MINK1: variants seen among roughly 807,000 people sequenced by gnomAD.
The protein encoded by MINK1 is misshapen like kinase 1.
Under a neutral mutation model 178.4 loss-of-function variants are expected in MINK1, and 46 were observed. That is an observed-to-expected ratio of 0.26 (90% CI 0.20 to 0.33). The LOEUF (loss-of-function observed/expected upper bound fraction) is 0.33, where lower values mean the gene tolerates loss of function less well. MINK1 is among the 10% of genes least tolerant of loss of function. MINK1 has a pLI of 1.00. For missense variants in MINK1, 1,366 were observed against 1,814.9 expected, an observed-to-expected ratio of 0.75 and a Z score of 4.49; for synonymous variants, 797 against 709.7, an observed-to-expected ratio of 1.12 and a Z score of -1.96.
intron 1 of MINK1, among the ~76,000 whole-genome samples, chr17:4,868,116 A>G (rs1915316929): frequency 6.6e-6 from 1 of 151,904 alleles, no homozygotes; most frequent in South Asian, 2.1e-4. Flanking sequence ...AGCTGGGACT[A>G]CAGGCATACA....
At chr17:4,881,377 C>A in intron 4 of MINK1, 120 bp downstream of exon 4, 2 of 1,162,434 alleles carry the variant, frequency 1.7e-6, no homozygotes, top group South Asian at 3.0e-5. Context: ...TCCGGTCTAC[C>A]CAGCCTCCCC....
At chr17:4,839,019 C>T (rs1353345534) in intron 1 of MINK1, among the ~76,000 whole-genome samples, 2 of 151,920 alleles carry the variant, frequency 1.3e-5, no homozygotes, top group East Asian at 3.9e-4. Flanking sequence ...TCTTGGCTCA[C>T]TGCAAGCTCC....
At chr17:4,891,896 ATCC>A (rs1415583551) in intron 16 of MINK1, among the ~76,000 whole-genome samples, 180 bp downstream of exon 16, 5 of 152,084 alleles carry the variant, frequency 3.3e-5, no homozygotes, top group African/African-American at 1.2e-4. Context: ...GGTGGCATCG[ATCC>A]CTGTGGGGAG....
chr17:4,895,639 G>A lies in MINK1; in HGVS notation c.3230-59G>A. On this transcript the variant is annotated intron_variant, in intron 26 of 31. Transcript: ENST00000355280. This position sits in a 1 kb window ranked among gnomAD's most constrained non-coding sequence, Gnocchi z 4.3. ...TATGCTGACAGAGGAGGCCAGGGCG[G>A]TGGCATTCGGGCCTCAGATGAGAAT... The A allele has an allele frequency of 6.3e-7, 1 of 1,593,532 alleles. No homozygotes were observed. Among genetic ancestry groups the A allele is most frequent in the Non-Finnish European group, 8.6e-7 (1 of 1,167,762 alleles).
rs1967901814 is a variant in MINK1, at chr17:4,883,449, CCG to C, written c.307-912_307-911del. Reference sequence around the variant, plus strand: ...TCGAATTCCTGACCTCATGATCCGCCCGCCTTGGCCTCCCAAAGTGCTAGGAT... The same window carrying C: ...TCGAATTCCTGACCTCATGATCCGCCCCTTGGCCTCCCAAAGTGCTAGGAT... On this transcript the variant is annotated intron_variant, in intron 4 of 31. Transcript: ENST00000355280. 2 of 151,640 alleles carry C rather than the reference CCG, an allele frequency of 1.3e-5. 1 individual carries two copies. The highest frequency in any genetic ancestry group is 4.2e-4 in the South Asian group (2 of 4,812). The allele number at this position is 151,640 out of a possible 1,614,324, so 9.4% of individuals were successfully genotyped here. A position where few individuals can be genotyped will look rare whatever the true frequency, so the allele number is the denominator to read the frequency against.
At position 4,886,237 on chromosome 17, in the gene MINK1, C is replaced by T. The variant is rs777105397; in HGVS notation, c.773+39C>T. The T allele has an allele frequency of 5.0e-6, 8 of 1,603,968 alleles. No homozygotes were observed. Among genetic ancestry groups the T allele is most frequent in the South Asian group, 2.2e-5 (2 of 90,870 alleles). On this transcript the variant is annotated intron_variant, in intron 9 of 31. Coordinates refer to ENST00000355280, the MANE Select transcript of MINK1 (RefSeq NM_153827.5). This position sits in a 1 kb window ranked among gnomAD's most constrained non-coding sequence, Gnocchi z 6.1. The stretch of plus-strand genomic sequence containing the variant: ...AGTGTGGGCTCTGGGAAGGAAGGTC[C>T]CTGGACAAGGCCATCCCCACCTTCA...
intron 1 of MINK1, among the ~76,000 whole-genome samples, chr17:4,847,763 C>T (rs557382740): frequency 2.0e-5 from 3 of 152,080 alleles, no homozygotes; most frequent in Non-Finnish European, 4.4e-5. Context: ...GGTGGTGTCT[C>T]AGAGCTGGTC....
In MINK1 at chr17:4,897,275, C is replaced by T. The variant is rs926793191; in HGVS notation, c.3987C>T (p.Ile1329=). The T allele has an allele frequency of 6.2e-7, 1 of 1,613,748 alleles. No homozygotes were observed. The highest frequency in any genetic ancestry group is 1.7e-5 in the Admixed American group (1 of 59,988). Reference sequence around the variant, plus strand: ...TCATGACTCTGAACCGTAACTGCATCATGAACTGGTGACGGGGCCCTGGGC... The same window carrying T: ...TCATGACTCTGAACCGTAACTGCATTATGAACTGGTGACGGGGCCCTGGGC... The part of the protein sequence containing the change: ...VYFMTLNRNC[I]MNW The change falls in exon 32 of 32, where the codon ATC becomes ATT. Residue 1329 remains isoleucine, a synonymous_variant. Transcript: ENST00000355280.
At position 4,897,991 on chromosome 17, in the gene MINK1, C is replaced by CACCCCTCCTCAATGCCCCT. The variant is rs886053116; in HGVS notation, c.*704_*705insACCCCTCCTCAATGCCCCT. 1 of 145,852 alleles carries CACCCCTCCTCAATGCCCCT rather than the reference C, an allele frequency of 6.9e-6. No individual in the cohort carries two copies. The highest frequency in any genetic ancestry group is 2.5e-5 in the African/African-American group (1 of 40,238). 9.0% of individuals were successfully genotyped at this position (145,852 alleles called of 1,614,324 possible). A position where few individuals can be genotyped will look rare whatever the true frequency, so the allele number is the denominator to read the frequency against. On this transcript the variant is annotated 3_prime_UTR_variant, in exon 32 of 32. Transcript: ENST00000355280. Reference sequence around the variant, plus strand: ...GCAAGTAACCCTTCTCCCTCCCCCCCCACCCCTCCTCAATGTAGTGGCCTT... The same window carrying CACCCCTCCTCAATGCCCCT: ...GCAAGTAACCCTTCTCCCTCCCCCCCACCCCTCCTCAATGCCCCTCACCCCTCCTCAATGTAGTGGCCTT...
chr17:4,843,518 T>C (rs1910569317), intron 1 of MINK1, among the ~76,000 whole-genome samples: 2 of 151,336 alleles, frequency 1.3e-5, no homozygotes, highest in South Asian at 4.2e-4. Context: ...AAAAAGGAAG[T>C]TGGTTGGTTC....
chr17:4,882,549 C>G (rs1967797833), intron 4 of MINK1, among the ~76,000 whole-genome samples: 1 of 152,206 alleles, frequency 6.6e-6, no homozygotes, highest in Admixed American at 6.6e-5. Flanking sequence ...TAGAGAATCA[C>G]TATTTCTTAG....
At chr17:4,881,337 C>G in intron 4 of MINK1, 80 bp downstream of exon 4, 1 of 1,420,850 alleles carries the variant, frequency 7.0e-7, no homozygotes, top group South Asian at 1.3e-5. Context: ...GTATCAGTGC[C>G]CAGCATCTCT....
chr17:4,840,545 G>A (rs1910056990), intron 1 of MINK1, among the ~76,000 whole-genome samples: 1 of 152,164 alleles, frequency 6.6e-6, no homozygotes, highest in Admixed American at 6.5e-5. Context: ...ATATGAGAGA[G>A]GAGGGTGTAT....
At chr17:4,875,810 C>T (rs553343038) in intron 1 of MINK1, among the ~76,000 whole-genome samples, 3 of 151,716 alleles carry the variant, frequency 2.0e-5, no homozygotes, top group East Asian at 2.0e-4. Flanking sequence ...TTTTTCCCCC[C>T]GCCGAGACAG....
chr17:4,834,376 G>T (rs1256929994), intron 1 of MINK1, among the ~76,000 whole-genome samples: 1 of 152,064 alleles, frequency 6.6e-6, no homozygotes, highest in Non-Finnish European at 1.5e-5. Flanking sequence ...GCTGGGAAGA[G>T]GATGTTTACA....
intron 1 of MINK1, among the ~76,000 whole-genome samples, chr17:4,861,501 T>G (rs1265571198): frequency 1.3e-5 from 2 of 152,114 alleles, no homozygotes; most frequent in African/African-American, 2.4e-5. Context: ...CCAAAGGTTT[T>G]TATTTATTTA....
At position 4,893,949 on chromosome 17, in the gene MINK1, G is replaced by A. The variant is rs552968900; in HGVS notation, c.2565-39G>A. 9.2e-5 allele frequency: 137 copies of A among 1,489,470 alleles called. 1 individual carries two copies. In the East Asian group the frequency reaches 3.0e-3, roughly 33 times the overall value. The allele number at this position is 1,489,470 out of a possible 1,614,324, so 92.3% of individuals were successfully genotyped here. On this transcript the variant is annotated intron_variant, in intron 21 of 31. Coordinates refer to ENST00000355280, the MANE Select transcript of MINK1 (RefSeq NM_153827.5). ...CTGCCTTTGGCACTTCTGTGGCCACGGGCAGGACCTGGAGGGGCCCCACCT... is the reference window on the plus strand; with the variant it reads ...CTGCCTTTGGCACTTCTGTGGCCACAGGCAGGACCTGGAGGGGCCCCACCT...
At chr17:4,841,285 T>G (rs1169433035) in intron 1 of MINK1, among the ~76,000 whole-genome samples, 1 of 152,162 alleles carries the variant, frequency 6.6e-6, no homozygotes, top group Non-Finnish European at 1.5e-5. Flanking sequence ...AGGCCTGATA[T>G]TCTCTGGTCT....
rs773772434 is a variant in MINK1 at position 4,895,253 on chromosome 17, G to T, written c.3085+11G>T. Reference sequence around the variant, plus strand: ...GTGCAGCCCTTTGGGGTAAGCCAGGGCAGGGACAGCTGAGGAGGCTCTGGC... The same window carrying T: ...GTGCAGCCCTTTGGGGTAAGCCAGGTCAGGGACAGCTGAGGAGGCTCTGGC... On this transcript the variant is annotated intron_variant, in intron 25 of 31. Coordinates refer to ENST00000355280, the MANE Select transcript of MINK1 (RefSeq NM_153827.5). This position sits in a 1 kb window ranked among gnomAD's most constrained non-coding sequence, Gnocchi z 4.3. 1.2e-6 allele frequency: 2 copies of T among 1,613,922 alleles called. No individual in the cohort carries two copies. The highest frequency in any genetic ancestry group is 1.7e-5 in the Admixed American group (1 of 60,022).
Sources: gnomAD v4.1 joint callset for allele counts (sites outside exome capture counted in the v4.1 genomes callset) on GRCh38, gnomAD v4.1.1 for gene constraint, Gnocchi (gnomAD v3.1) non-coding constraint, MANE v1.5 for transcripts, NCBI Gene and HGNC (gene_info 2026-07-23, HGNC 2026-07-21) for gene names.